Variants in SCN4A observed in about 807,000 individuals in gnomAD.
The protein encoded by SCN4A is sodium channel protein type 4 subunit alpha.
A neutral mutation model predicts 162.0 loss-of-function variants in SCN4A; 83 were observed. That is an observed-to-expected ratio of 0.51 (90% CI 0.43 to 0.61). The LOEUF is 0.61. SCN4A is among the 20% of genes least tolerant of loss of function. The probability of loss-of-function intolerance (pLI) is 0.00; values close to 1 mark genes in which losing one functional copy is unlikely to be tolerated. For synonymous variants in SCN4A, 944 were observed against 985.1 expected, an observed-to-expected ratio of 0.96 and a Z score of 0.78; for missense variants, 2,196 against 2,462.5, an observed-to-expected ratio of 0.89 and a Z score of 2.29.
Position 63,944,790 on chromosome 17 carries a change from G to A in SCN4A, c.3795C>T (p.Tyr1265=), listed in dbSNP as rs201295224. ...DSREKEEQPQ[Y]EVNLYMYLYF... Reference sequence around the variant, plus strand: ...AGAGGTACATGTAGAGGTTCACCTCGTACTGCGGCTGCTCCTCCTTCTGTG... The same window carrying A: ...AGAGGTACATGTAGAGGTTCACCTCATACTGCGGCTGCTCCTCCTTCTGTG... The change falls in exon 21 of 24, where the codon TAC becomes TAT. Residue 1265 remains tyrosine (Y), a synonymous_variant. Coordinates refer to ENST00000435607, the MANE Select transcript of SCN4A (RefSeq NM_000334.4). The surrounding 1 kb of genome is among the most constrained non-coding windows in gnomAD (Gnocchi z 4.3). The A allele has an allele frequency of 8.7e-6, 14 of 1,613,734 alleles. No individual in the cohort carries two copies. The East Asian group carries it at 1.3e-4, about 15-fold the overall frequency.
Position 63,951,845 on chromosome 17 carries a change from G to A in SCN4A, c.2432C>T (p.Ala811Val). Residue 811 changes from alanine to valine, a missense_variant, in exon 14 of 24, where the codon GCA (alanine) becomes GTA (valine). Transcript: ENST00000435607. This position sits in a 1 kb window ranked among gnomAD's most constrained non-coding sequence, Gnocchi z 4.5. ...CATCTCGCCATCCTCATCCGAGGCT[G>A]CCAGACTGTCGGCGCTGAAGGAGCT... ...LLSSFSADSL[A>V]ASDEDGEMNN... is the part of the protein sequence containing the mutation. 6.4e-7 allele frequency: 1 copy of A among 1,567,980 alleles called. No homozygotes were observed.
At chr17:63,948,585 G>T in intron 16 of SCN4A, 26 bp downstream of exon 16, 1 of 1,605,902 alleles carries the variant, frequency 6.2e-7, no homozygotes, top group South Asian at 1.1e-5. Context: ...CCCTGCCCCT[G>T]ACCCGTGCTC....
In SCN4A at chr17:63,972,250, G is replaced by A. The variant is rs1464790269; in HGVS notation, c.393-25C>T. 6.2e-7 allele frequency: 1 copy of A among 1,608,848 alleles called. No individual in the cohort carries two copies. Among genetic ancestry groups the A allele is most frequent in the Non-Finnish European group, 8.5e-7 (1 of 1,176,448 alleles). On this transcript the variant is annotated intron_variant, in intron 2 of 23. Coordinates refer to ENST00000435607, the MANE Select transcript of SCN4A (RefSeq NM_000334.4). This position sits in a 1 kb window ranked among gnomAD's most constrained non-coding sequence, Gnocchi z 4.3. Reference sequence around the variant, plus strand: ...CGTGGGGCAGGGTCAAGGAAAGTGAGGAAGCAGCTAGGATGGGAGGTGATA... The same window carrying A: ...CGTGGGGCAGGGTCAAGGAAAGTGAAGAAGCAGCTAGGATGGGAGGTGATA...
chr17:63,966,163 C>G lies in SCN4A; in HGVS notation c.1181G>C (p.Trp394Ser). ...YGYTSYDTFS[W>S]AFLALFRLMT... ...GAGGCGGAAGAGAGCCAAGAAGGCC[C>G]AGCTGAAGGTGTCATAGCTGGTGTA... The change falls in exon 8 of 24, where the codon TGG becomes TCG. Residue 394 changes from tryptophan to serine, a missense_variant. By Grantham distance (177) the Trp-to-Ser change is radical (BLOSUM62 -3). Coordinates refer to ENST00000435607, the MANE Select transcript of SCN4A (RefSeq NM_000334.4). 1 of 1,594,876 alleles carries G rather than the reference C, an allele frequency of 6.3e-7. No homozygotes were observed. The highest frequency in any genetic ancestry group is 8.5e-7 in the Non-Finnish European group (1 of 1,170,806).
chr17:63,951,340 T>C lies in SCN4A; in HGVS notation c.2853+84A>G. 2.1e-6 allele frequency: 2 copies of C among 934,100 alleles called. No homozygotes were observed. The highest frequency in any genetic ancestry group is 1.6e-6 in the Non-Finnish European group (1 of 618,742). 57.9% of individuals were successfully genotyped at this position (934,100 alleles called of 1,614,324 possible). A position where few individuals can be genotyped will look rare whatever the true frequency, so the allele number is the denominator to read the frequency against. On this transcript the variant is annotated intron_variant, in intron 14 of 23. Transcript: ENST00000435607. This position sits in a 1 kb window ranked among gnomAD's most constrained non-coding sequence, Gnocchi z 4.5. ...ACCCCCATTTTACAGCTGGAGAAAC[T>C]GAGGCTCAGAGAGGACTTAGGGCTT...
At chr17:63,953,858 G>A (rs1383435217) in intron 13 of SCN4A, among the ~76,000 whole-genome samples, 1 of 152,160 alleles carries the variant, frequency 6.6e-6, no homozygotes, top group East Asian at 1.9e-4. Context: ...CTCGAACCAG[G>A]ATTCTAGTCA....
chr17:63,959,225 C>T, intron 12 of SCN4A, 40 bp downstream of exon 12: 1 of 1,580,306 alleles, frequency 6.3e-7, no homozygotes, highest in South Asian at 1.2e-5. Flanking sequence ...CTCCTCACCC[C>T]ACCCCCATCC....
chr17:63,952,941 G>C (rs970192925), intron 13 of SCN4A, among the ~76,000 whole-genome samples: 5 of 152,132 alleles, frequency 3.3e-5, no homozygotes, highest in Non-Finnish European at 7.3e-5. Flanking sequence ...CACATTGCAG[G>C]GCTCTGAACC....
intron 8 of SCN4A, among the ~76,000 whole-genome samples, chr17:63,965,655 A>C (rs1428559786): frequency 6.6e-6 from 1 of 152,000 alleles, no homozygotes; most frequent in Non-Finnish European, 1.5e-5. Context: ...TACCCGGCTA[A>C]TTTTTGTATT....
At chr17:63,967,189 G>A (rs1009341523) in intron 6 of SCN4A, among the ~76,000 whole-genome samples, 2 of 151,758 alleles carry the variant, frequency 1.3e-5, no homozygotes, top group Non-Finnish European at 2.9e-5. Context: ...TTTCACTCTT[G>A]TTGCCCAGGC....
chr17:63,949,971 C>T (rs1463427380), intron 14 of SCN4A, among the ~76,000 whole-genome samples: 1 of 152,138 alleles, frequency 6.6e-6, no homozygotes, highest in Non-Finnish European at 1.5e-5. Flanking sequence ...TGAGCCTTCC[C>T]ACCCGCAGGG....
intron 13 of SCN4A, among the ~76,000 whole-genome samples, chr17:63,953,693 AAAAAAG>A (rs1429760180): frequency 6.6e-6 from 1 of 151,748 alleles, no homozygotes; most frequent in East Asian, 1.9e-4. Flanking sequence ...AAGAAAAAAA[AAAAAAG>A]AAAAAGAAAA....
At chr17:63,961,140 C>T in intron 11 of SCN4A, 53 bp downstream of exon 11, 1 of 1,162,138 alleles carries the variant, frequency 8.6e-7, no homozygotes, top group South Asian at 1.3e-5. Flanking sequence ...TCCACTGGGC[C>T]CTACCCCCTC....
intron 10 of SCN4A, among the ~76,000 whole-genome samples, chr17:63,963,229 G>T (rs999826600): frequency 6.6e-6 from 1 of 152,178 alleles, no homozygotes; most frequent in Non-Finnish European, 1.5e-5. Context: ...CTCTGTTTGG[G>T]CAGAATTTGA....
intron 17 of SCN4A, 127 bp from the exon 18 acceptor site, chr17:63,947,294 G>T: frequency 1.7e-6 from 2 of 1,180,730 alleles, no homozygotes; most frequent in Non-Finnish European, 2.4e-6. Context: ...CCTAGTGGGT[G>T]GTCCTGTCCG....
intron 13 of SCN4A, among the ~76,000 whole-genome samples, chr17:63,952,304 C>T (rs1908939138): frequency 6.6e-6 from 1 of 151,882 alleles, no homozygotes; most frequent in Non-Finnish European, 1.5e-5. Flanking sequence ...CTCCCAAGTT[C>T]AAGTGCCACC....
Position 63,971,137 on chromosome 17 carries a change from G to C in SCN4A, c.703+25C>G, listed in dbSNP as rs769738190. 41 of 1,491,362 alleles carry C rather than the reference G, an allele frequency of 2.7e-5. 1 individual carries two copies. In the Admixed American group the frequency reaches 3.3e-4, roughly 12 times the overall value. 92.4% of individuals were successfully genotyped at this position (1,491,362 alleles called of 1,614,324 possible). On this transcript the variant is annotated intron_variant, in intron 5 of 23. Coordinates refer to ENST00000435607, the MANE Select transcript of SCN4A (RefSeq NM_000334.4). Reference sequence around the variant, plus strand: ...GTACGGGGGTCTCTCAGCTCAGGCAGAGGGTCCCTGCACCTCCCCAGTACC... The same window carrying C: ...GTACGGGGGTCTCTCAGCTCAGGCACAGGGTCCCTGCACCTCCCCAGTACC...
chr17:63,970,560 C>T (rs1451955827), intron 5 of SCN4A, among the ~76,000 whole-genome samples: 3 of 151,978 alleles, frequency 2.0e-5, no homozygotes, highest in Non-Finnish European at 4.4e-5. Flanking sequence ...ATCTCCTGGG[C>T]TCAAACTATC....
intron 10 of SCN4A, among the ~76,000 whole-genome samples, chr17:63,963,470 T>C (rs548354622): frequency 1.3e-5 from 2 of 152,336 alleles, no homozygotes; most frequent in East Asian, 3.9e-4. Context: ...ATAAATATAG[T>C]ATAAATATAG....
Sources: gnomAD v4.1 joint callset for allele counts (sites outside exome capture counted in the v4.1 genomes callset) on GRCh38, gnomAD v4.1.1 for gene constraint, Gnocchi (gnomAD v3.1) non-coding constraint, MANE v1.5 for transcripts, NCBI Gene and HGNC (gene_info 2026-07-23, HGNC 2026-07-21) for gene names.